CLCA2: variants seen among roughly 807,000 people sequenced by gnomAD.
The protein encoded by CLCA2 is chloride channel accessory 2.
Under a neutral mutation model 82.9 loss-of-function variants are expected in CLCA2, and 85 were observed. That is an observed-to-expected ratio of 1.03 (90% CI 0.86 to 1.23). CLCA2 has a LOEUF of 1.23. CLCA2 is among the 50% of genes most tolerant of loss of function. The pLI is 0.00. For synonymous variants in CLCA2, 421 were observed against 391.7 expected (o/e 1.07, Z -0.88); for missense variants, 1,089 against 1,124.8 (o/e 0.97, Z 0.45).
At chr1:86,432,638 G>T in intron 5 of CLCA2, 110 bp downstream of exon 5, 1 of 1,273,322 alleles carries the variant, frequency 7.9e-7, no homozygotes, top group South Asian at 1.6e-5. Flanking sequence ...GAACTTGGGG[G>T]ACCCTAGAGT....
rs896281680 is a variant in CLCA2, at chr1:86,453,816, G to A, written c.2389+214G>A. Among the ~76,000 whole-genome samples, 4 of 152,148 alleles carry A rather than the reference G, an allele frequency of 2.6e-5. No individual in the cohort carries two copies. In the East Asian group the frequency reaches 7.7e-4, roughly 29 times the overall value. Reference sequence around the variant, plus strand: ...CTAACTCACGGATACTAACCACTCAGAAACCTTGACTAGAAGCATAAACAC... The same window carrying A: ...CTAACTCACGGATACTAACCACTCAAAAACCTTGACTAGAAGCATAAACAC... On this transcript the variant is annotated intron_variant, in intron 13 of 13. Transcript: ENST00000370565.
chr1:86,435,024 G>A (rs1180828839), intron 6 of CLCA2, among the ~76,000 whole-genome samples: 1 of 152,086 alleles, frequency 6.6e-6, no homozygotes, highest in Non-Finnish European at 1.5e-5. Flanking sequence ...CGACCTCTAG[G>A]GCTCAAGTGA....
intron 12 of CLCA2, among the ~76,000 whole-genome samples, chr1:86,452,923 C>T (rs576585179): frequency 6.6e-6 from 1 of 152,308 alleles, no homozygotes; most frequent in Non-Finnish European, 1.5e-5. Context: ...TCCTGTAATC[C>T]TAGCACTTTG....
intron 9 of CLCA2, among the ~76,000 whole-genome samples, chr1:86,443,087 C>T (rs990603573): frequency 2.0e-5 from 3 of 151,220 alleles, no homozygotes; most frequent in Middle Eastern, 3.2e-3. Context: ...AGTGCAGTGG[C>T]GCGATCTCAG....
At chr1:86,433,171 C>T (rs1662534589) in intron 5 of CLCA2, among the ~76,000 whole-genome samples, 1 of 152,242 alleles carries the variant, frequency 6.6e-6, no homozygotes, top group South Asian at 2.1e-4. Flanking sequence ...AGCCAATTCT[C>T]ACCAGATGCA....
chr1:86,442,349 C>T (rs2390094), intron 9 of CLCA2, among the ~76,000 whole-genome samples: 7,994 of 152,098 alleles, frequency 0.053, 224 homozygotes, highest in Middle Eastern at 0.11. Context: ...ATCTTTATGC[C>T]CTGTGACTTC....
chr1:86,434,690 A>C lies in CLCA2; in HGVS notation c.917A>C (p.Gln306Pro). The C allele has an allele frequency of 6.2e-7, 1 of 1,614,126 alleles. No individual in the cohort carries two copies. The highest frequency in any genetic ancestry group is 8.5e-7 in the Non-Finnish European group (1 of 1,179,974). ...LPPPPTFSLV[Q>P]AGDKVVCLVL... ...CCTCCTCCCACATTCTCGCTTGTAC[A>C]GGCTGGTGACAAAGTGGTCTGTTTA... The change falls in exon 6 of 14, where the codon CAG becomes CCG. Residue 306 changes from glutamine to proline, a missense_variant. Gln to Pro is a moderately conservative substitution (Grantham distance 76). Coordinates refer to ENST00000370565, the MANE Select transcript of CLCA2 (RefSeq NM_006536.7).
Position 86,439,053 on chromosome 1 carries a change from G to A in CLCA2, c.1150G>A (p.Val384Ile), listed in dbSNP as rs1474517205. ...GCTGGTTTCATATCTGCCCACCACT[G>A]TATCAGCTAAAACAGACATCAGCAT... ...KLLVSYLPTT[V>I]SAKTDISICS... Residue 384 changes from valine to isoleucine, a missense_variant, in exon 7 of 14, where the codon GTA becomes ATA. Coordinates refer to ENST00000370565, the MANE Select transcript of CLCA2 (RefSeq NM_006536.7). The A allele has an allele frequency of 6.2e-7, 1 of 1,613,978 alleles. No homozygotes were observed. The highest frequency in any genetic ancestry group is 1.3e-5 in the African/African-American group (1 of 74,914).
rs184941785 is a variant in CLCA2, at chr1:86,443,710, G to A, written c.1489-77G>A. ...TTATTTTTATTTTTGCCAATTAATT[G>A]TTGTTTGTTAAAAAAGAAAAAGATG... On this transcript the variant is annotated intron_variant, in intron 9 of 13. Coordinates refer to ENST00000370565, the MANE Select transcript of CLCA2 (RefSeq NM_006536.7). 2,418 of 1,057,090 alleles carry A rather than the reference G, an allele frequency of 2.3e-3. 6 individuals are homozygous for A. Among genetic ancestry groups the A allele is most frequent in the Non-Finnish European group, 2.6e-3 (1,910 of 724,998 alleles). 65.5% of individuals were successfully genotyped at this position (1,057,090 alleles called of 1,614,324 possible).
At chr1:86,430,329 A>G (rs1290336925) in intron 3 of CLCA2, among the ~76,000 whole-genome samples, 2 of 152,144 alleles carry the variant, frequency 1.3e-5, no homozygotes, top group African/African-American at 4.8e-5. Flanking sequence ...GGCTGGGGAG[A>G]ACATTCTGCA....
At chr1:86,427,609 T>A (rs1423148029) in intron 2 of CLCA2, among the ~76,000 whole-genome samples, 1 of 151,694 alleles carries the variant, frequency 6.6e-6, no homozygotes, top group Non-Finnish European at 1.5e-5. Flanking sequence ...GAGTGATAAT[T>A]GTGTATATTG....
At chr1:86,451,252 T>C (rs1570268151) in intron 12 of CLCA2, among the ~76,000 whole-genome samples, 1 of 152,216 alleles carries the variant, frequency 6.6e-6, no homozygotes, top group Admixed American at 6.5e-5. Context: ...GGAAGATAGT[T>C]ATCTTTTTAA....
At chr1:86,433,732 T>A (rs955357011) in intron 5 of CLCA2, among the ~76,000 whole-genome samples, 2 of 152,164 alleles carry the variant, frequency 1.3e-5, no homozygotes, top group Non-Finnish European at 2.9e-5. Flanking sequence ...TAAGCAGTTA[T>A]CAACCTTTCA....
At chr1:86,449,492 C>T (rs918886295) in intron 11 of CLCA2, among the ~76,000 whole-genome samples, 1 of 152,202 alleles carries the variant, frequency 6.6e-6, no homozygotes, top group African/African-American at 2.4e-5. Context: ...CCTTATTAAT[C>T]ATTAAATCAC....
chr1:86,443,854 C>T lies in CLCA2; in HGVS notation c.1556C>T (p.Thr519Ile). ...QLKNTVTVDN[T>I]VGNDTMFLVT... ...AAAAACACAGTGACTGTGGATAATA[C>T]TGTGGGCAACGACACTATGTTTCTA... The change falls in exon 10 of 14, where the codon ACT becomes ATT. Residue 519 changes from threonine (T) to isoleucine (I), a missense_variant. Coordinates refer to ENST00000370565, the MANE Select transcript of CLCA2 (RefSeq NM_006536.7). 6.2e-7 allele frequency: 1 copy of T among 1,614,022 alleles called. No individual in the cohort carries two copies. Among genetic ancestry groups the T allele is most frequent in the Non-Finnish European group, 8.5e-7 (1 of 1,179,944 alleles).
chr1:86,445,950 T>G (rs1192184529), intron 10 of CLCA2, among the ~76,000 whole-genome samples: 1 of 152,070 alleles, frequency 6.6e-6, no homozygotes, highest in African/African-American at 2.4e-5. Flanking sequence ...TACAAAAATT[T>G]TAAAATATGC....
chr1:86,442,906 G>A (rs550461723), intron 9 of CLCA2, among the ~76,000 whole-genome samples: 4 of 152,314 alleles, frequency 2.6e-5, no homozygotes, highest in African/African-American at 9.6e-5. Flanking sequence ...ATTTATCACA[G>A]AGGATTTTTA....
In CLCA2 at chr1:86,428,453, T is replaced by C. The variant is rs769577002; in HGVS notation, c.360T>C (p.His120=). 19 of 1,611,912 alleles carry C rather than the reference T, an allele frequency of 1.2e-5. No homozygotes were observed. The Admixed American group carries it at 3.0e-4, about 26-fold the overall frequency. Residue 120 remains histidine, a synonymous_variant, in exon 3 of 14, where the codon CAT becomes CAC. Transcript: ENST00000370565. ...TAGTGACTGACTGGTATGGGGCACA[T>C]GGAGATGATCCATACACCCTACAAT... ...NVIVTDWYGA[H]GDDPYTLQYR...
At chr1:86,442,193 C>T (rs920925019) in intron 9 of CLCA2, among the ~76,000 whole-genome samples, 2 of 152,162 alleles carry the variant, frequency 1.3e-5, no homozygotes, top group African/African-American at 4.8e-5. Context: ...GTGACCAATG[C>T]AGCCTGTCAA....
Sources: gnomAD v4.1 joint callset for allele counts (sites outside exome capture counted in the v4.1 genomes callset) on GRCh38, gnomAD v4.1.1 for gene constraint, MANE v1.5 for transcripts, NCBI Gene and HGNC (gene_info 2026-07-23, HGNC 2026-07-21) for gene names.